The following DNAJC17 variants were observed in gnomAD, a reference collection of about 807,000 sequenced individuals.
DNAJC17 encodes DnaJ heat shock protein family (Hsp40) member C17, also known as dnaJ homolog subfamily C member 17.
A neutral mutation model predicts 48.1 loss-of-function variants in DNAJC17; 35 were observed. That is an observed-to-expected ratio of 0.73 (90% CI 0.56 to 0.96). The LOEUF is 0.96. Ranked by LOEUF, DNAJC17 falls within the 50% of genes least tolerant of loss-of-function variation. DNAJC17 has a pLI of 0.00. For synonymous variants in DNAJC17, 117 were observed against 142.7 expected (o/e 0.82, Z 1.28); for missense variants, 355 against 377.1 (o/e 0.94, Z 0.48).
intron 1 of DNAJC17, among the ~76,000 whole-genome samples, chr15:40,796,616 T>G (rs542117272): frequency 6.6e-6 from 1 of 152,318 alleles, no homozygotes; most frequent in East Asian, 1.9e-4. Flanking sequence ...GTGGAAAGGA[T>G]GTGGAGAAAA....
At chr15:40,776,058 A>G in intron 6 of DNAJC17, 138 bp downstream of exon 6, 1 of 719,512 alleles carries the variant, frequency 1.4e-6, no homozygotes. Context: ...CATGTGTCAG[A>G]GTAAGGTACC....
At chr15:40,789,216 C>T (rs891987998) in intron 1 of DNAJC17, among the ~76,000 whole-genome samples, 2 of 152,186 alleles carry the variant, frequency 1.3e-5, no homozygotes, top group African/African-American at 2.4e-5. Context: ...GGACCACACA[C>T]GGAGCCTGGC....
intron 1 of DNAJC17, among the ~76,000 whole-genome samples, chr15:40,801,374 T>G (rs1057129530): frequency 3.3e-5 from 5 of 152,082 alleles, no homozygotes; most frequent in African/African-American, 1.2e-4. Context: ...TTCGACTGAG[T>G]TCTGAAGGAC....
chr15:40,774,218 G>A, intron 9 of DNAJC17, 138 bp downstream of exon 9: 1 of 983,766 alleles, frequency 1.0e-6, no homozygotes, highest in Non-Finnish European at 1.5e-6. Context: ...AGGGGCCCCT[G>A]GGAAGAGCCT....
chr15:40,765,934 C>T lies in DNAJC17; in HGVS notation c.*2006G>A. On this transcript the variant is annotated 3_prime_UTR_variant, in exon 11 of 11. Coordinates refer to ENST00000220496, the MANE Select transcript of DNAJC17 (RefSeq NM_018163.3). The stretch of plus-strand genomic sequence containing the variant: ...TGGGAAACAACTTGTAAGTAGCAGC[C>T]TCCCTCAGTATCCTCTCCCTGCCAG... 1 of 1,428,130 alleles carries T rather than the reference C, an allele frequency of 7.0e-7. No homozygotes were observed. The highest frequency in any genetic ancestry group is 1.2e-5 in the South Asian group (1 of 82,294). The allele number at this position is 1,428,130 out of a possible 1,614,324, so 88.5% of individuals were successfully genotyped here. A position where few individuals can be genotyped will look rare whatever the true frequency, so the allele number is the denominator to read the frequency against.
rs1888991997 is a variant in DNAJC17, at chr15:40,767,910, G to A, written c.*30C>T. 6.2e-7 allele frequency: 1 copy of A among 1,606,510 alleles called. No individual in the cohort carries two copies. The highest frequency in any genetic ancestry group is 1.7e-5 in the Admixed American group (1 of 57,792). ...AATTTATTGGTGACGTTGAAGAAAA[G>A]GGCTGAGGGGTGGATGGCTGGAGCT... On this transcript the variant is annotated 3_prime_UTR_variant, in exon 11 of 11. Transcript: ENST00000220496.
rs139011356 is a variant in DNAJC17 at position 40,788,776 on chromosome 15, C to T, written c.79-8779G>A. ...TGTAGTCCCAGCTACTTGGGTGGGG[C>T]TGGGAAGGATTATTTGAGTCCACGA... On this transcript the variant is annotated intron_variant, in intron 1 of 10. Transcript: ENST00000220496. Among the ~76,000 whole-genome samples, 171 of 151,906 alleles carry T rather than the reference C, an allele frequency of 1.1e-3. 1 individual carries two copies. The highest frequency in any genetic ancestry group is 4.1e-3 in the African/African-American group (169 of 41,428).
chr15:40,773,777 C>T lies in DNAJC17; in HGVS notation c.742G>A (p.Glu248Lys), dbSNP rs1889230118. The T allele has an allele frequency of 6.2e-7, 1 of 1,613,910 alleles. No homozygotes were observed. Among genetic ancestry groups the T allele is most frequent in the Non-Finnish European group, 8.5e-7 (1 of 1,179,988 alleles). Residue 248 changes from glutamate to lysine, a missense_variant, in exon 10 of 11, where the codon GAG becomes AAG. By Grantham distance (56) the Glu-to-Lys change is moderately conservative. This residue lies in a region of DNAJC17 where 68 missense variants were observed against 109.5 expected (regional missense o/e 0.62). Coordinates refer to ENST00000220496, the MANE Select transcript of DNAJC17 (RefSeq NM_018163.3). Reference sequence around the variant, plus strand: ...CCCACGGCATCCTGGGGCTGTCCCTCCAACCAGGAAATCTTCAGAGGGTTA... The same window carrying T: ...CCCACGGCATCCTGGGGCTGTCCCTTCAACCAGGAAATCTTCAGAGGGTTA... The part of the protein sequence containing the change: ...VDNPLKISWL[E>K]GQPQDAVGRS...
rs562097346 is a variant in DNAJC17, at chr15:40,788,178, C to T, written c.79-8181G>A. On this transcript the variant is annotated intron_variant, in intron 1 of 10. Transcript: ENST00000220496. ...CCAAGCCCGGAGAGGCAGATGCCTC[C>T]CCATCCCCTCACTAGCAGGAACCCC... Among the ~76,000 whole-genome samples, 5 of 152,266 alleles carry T rather than the reference C, an allele frequency of 3.3e-5. 1 individual carries two copies. The highest frequency in any genetic ancestry group is 1.2e-4 in the African/African-American group (5 of 41,554).
intron 10 of DNAJC17, among the ~76,000 whole-genome samples, 198 bp downstream of exon 10, chr15:40,773,529 G>C (rs1342078800): frequency 1.3e-5 from 2 of 152,202 alleles, no homozygotes; most frequent in African/African-American, 4.8e-5. Flanking sequence ...AGAATACAGT[G>C]TGGGTGGGGC....
At chr15:40,806,287 C>T (rs1184459893) in intron 1 of DNAJC17, among the ~76,000 whole-genome samples, 1 of 147,446 alleles carries the variant, frequency 6.8e-6, no homozygotes, top group African/African-American at 2.5e-5. Flanking sequence ...GGTGCAATCT[C>T]AGCTCACTGC....
intron 1 of DNAJC17, among the ~76,000 whole-genome samples, chr15:40,792,749 GCA>G (rs1889838389): frequency 1.3e-5 from 2 of 152,196 alleles, no homozygotes; most frequent in Non-Finnish European, 2.9e-5. Context: ...CATGTGGGCT[GCA>G]CAAAAGTGGA....
Position 40,779,557 on chromosome 15 carries a change from ATCGGTCAGCACC to A in DNAJC17, c.183_194del (p.Glu61_Thr64del). The stretch of plus-strand genomic sequence containing the variant: ...AGGCTGTGCTTACCCTGGCTGCAGC[ATCGGTCAGCACC>A]TCCAAGGCCTGAGAAAGCTGGTGGA... On this transcript the variant is annotated inframe_deletion, in exon 3 of 11. Coordinates refer to ENST00000220496, the MANE Select transcript of DNAJC17 (RefSeq NM_018163.3). 1 of 1,614,216 alleles carries A rather than the reference ATCGGTCAGCACC, an allele frequency of 6.2e-7. No individual in the cohort carries two copies. The highest frequency in any genetic ancestry group is 8.5e-7 in the Non-Finnish European group (1 of 1,180,032).
chr15:40,790,172 G>C (rs910040041), intron 1 of DNAJC17, among the ~76,000 whole-genome samples: 1 of 152,136 alleles, frequency 6.6e-6, no homozygotes, highest in Non-Finnish European at 1.5e-5. Flanking sequence ...CTCTATCTGT[G>C]TTACAGATGG....
intron 1 of DNAJC17, among the ~76,000 whole-genome samples, chr15:40,784,659 C>T (rs749608421): frequency 6.6e-6 from 1 of 152,128 alleles, no homozygotes; most frequent in Non-Finnish European, 1.5e-5. Context: ...ACAGTGGACA[C>T]CACCCCACCC....
Position 40,770,276 on chromosome 15 carries a change from C to T in DNAJC17, c.793-2214G>A. The T allele has an allele frequency of 1.7e-6, 1 of 575,628 alleles. No individual in the cohort carries two copies. The highest frequency in any genetic ancestry group is 3.1e-6 in the Non-Finnish European group (1 of 326,254). The allele number at this position is 575,628 out of a possible 1,614,324, so 35.7% of individuals were successfully genotyped here. A position where few individuals can be genotyped will look rare whatever the true frequency, so the allele number is the denominator to read the frequency against. ...TGTCCCTGTGGGAAACTCTTGCTGC[C>T]AGGAACTCCCAGCTGTCTGCTCTCC... On this transcript the variant is annotated intron_variant, in intron 10 of 10. Coordinates refer to ENST00000220496, the MANE Select transcript of DNAJC17 (RefSeq NM_018163.3). This position sits in a 1 kb window ranked among gnomAD's most constrained non-coding sequence, Gnocchi z 5.0.
intron 1 of DNAJC17, among the ~76,000 whole-genome samples, chr15:40,803,642 G>A (rs1030875706): frequency 6.6e-6 from 1 of 152,080 alleles, no homozygotes; most frequent in African/African-American, 2.4e-5. Flanking sequence ...CTTCTCTCCT[G>A]CCTTTATTCC....
intron 1 of DNAJC17, among the ~76,000 whole-genome samples, chr15:40,785,373 T>C (rs1889613148): frequency 6.6e-6 from 1 of 152,148 alleles, no homozygotes; most frequent in South Asian, 2.1e-4. Context: ...GAGGGCAAGT[T>C]CTGGAGTCTG....
rs538786189 is a variant in DNAJC17, at chr15:40,767,510, C to A, written c.*430G>T. 3.8e-4 allele frequency: 312 copies of A among 825,808 alleles called. 1 individual carries two copies. In the African/African-American group the frequency reaches 5.2e-3, roughly 14 times the overall value. 51.2% of individuals were successfully genotyped at this position (825,808 alleles called of 1,614,324 possible). On this transcript the variant is annotated 3_prime_UTR_variant, in exon 11 of 11. Transcript: ENST00000220496. ...GGCAGTGAATGGCCTTCTCTGAAAC[C>A]CTGCGTCAAGCAGTGGGAGAGGGCA... is the stretch of plus-strand genomic sequence containing the variant.
Sources: gnomAD v4.1 joint callset for allele counts (sites outside exome capture counted in the v4.1 genomes callset) on GRCh38, gnomAD v4.1.1 for gene constraint, gnomAD v4.1.1 regional missense constraint, Gnocchi (gnomAD v3.1) non-coding constraint, MANE v1.5 for transcripts, NCBI Gene and HGNC (gene_info 2026-07-23, HGNC 2026-07-21) for gene names.